Variants in RFC3 observed in about 807,000 individuals in gnomAD.
RFC3 encodes the protein replication factor C subunit 3, also known as A1 38 kDa subunit.
RFC3 carries 41 observed loss-of-function variants against 45.1 expected under a neutral mutation model. The observed-to-expected ratio is 0.91, with a 90% CI of 0.71 to 1.18. The LOEUF is 1.18. RFC3 is among the 50% of genes most tolerant of loss of function. The pLI is 0.00. For missense variants in RFC3, 423 were observed against 428.1 expected (o/e 0.99, Z 0.10); for synonymous variants, 149 against 144.0 (o/e 1.03, Z -0.25).
chr13:33,890,323 T>G (rs549588799), intron 8 of RFC3, among the ~76,000 whole-genome samples: 72 of 152,294 alleles, frequency 4.7e-4, no homozygotes, highest in Non-Finnish European at 9.3e-4. Context: ...TAAATTTGGT[T>G]CCATCCATGC....
At chr13:33,856,243 C>T (rs1397379202) in intron 8 of RFC3, among the ~76,000 whole-genome samples, 2 of 151,988 alleles carry the variant, frequency 1.3e-5, no homozygotes, top group Non-Finnish European at 2.9e-5. Context: ...GAACAGAAAA[C>T]CAAATACCAC....
rs186710778 is a variant in RFC3 at position 33,905,436 on chromosome 13, G to A, written c.880-60651G>A. On this transcript the variant is annotated intron_variant, in intron 8 of 8. Coordinates refer to the RFC3 transcript ENST00000434425. ...ACTTGTGTTCTCTTTTTTTTTTCTT[G>A]CATGCATGAGTGTCATAAGGCAAAA... 4.1e-5 allele frequency among the ~76,000 whole-genome samples: 6 copies of A among 147,946 alleles called. No individual in the cohort carries two copies. In the East Asian group the frequency reaches 1.2e-3, roughly 29 times the overall value.
intron 8 of RFC3, among the ~76,000 whole-genome samples, chr13:33,872,734 A>C (rs927558504): frequency 3.3e-5 from 5 of 151,612 alleles, no homozygotes; most frequent in African/African-American, 1.2e-4. Context: ...ACTACCTCTC[A>C]ATAACAAACA....
At chr13:33,920,173 C>A (rs1286661276) in intron 8 of RFC3, among the ~76,000 whole-genome samples, 1 of 152,104 alleles carries the variant, frequency 6.6e-6, no homozygotes, top group Non-Finnish European at 1.5e-5. Context: ...ATCCTTACAG[C>A]ATCCCCATGT....
chr13:33,915,450 T>C (rs1212557350), intron 8 of RFC3, among the ~76,000 whole-genome samples: 2 of 152,190 alleles, frequency 1.3e-5, no homozygotes, highest in Non-Finnish European at 2.9e-5. Context: ...ATGCTTTGCA[T>C]GCTATAATTA....
At chr13:33,888,907 G>A (rs532460322) in intron 8 of RFC3, among the ~76,000 whole-genome samples, 6 of 151,986 alleles carry the variant, frequency 3.9e-5, no homozygotes, top group Non-Finnish European at 7.4e-5. Context: ...CACCATGCCT[G>A]GCTAATTTTT....
At chr13:33,882,729 G>A (rs896635975) in intron 8 of RFC3, among the ~76,000 whole-genome samples, 5 of 152,160 alleles carry the variant, frequency 3.3e-5, no homozygotes, top group African/African-American at 1.2e-4. Flanking sequence ...GACAGCAACT[G>A]TTCCATCACC....
intron 8 of RFC3, among the ~76,000 whole-genome samples, chr13:33,872,210 A>G (rs2082414619): frequency 6.6e-6 from 1 of 152,170 alleles, no homozygotes; most frequent in African/African-American, 2.4e-5. Context: ...CTGAATTGGA[A>G]AGGGAGATGC....
intron 8 of RFC3, among the ~76,000 whole-genome samples, chr13:33,852,466 T>A (rs2082282554): frequency 6.6e-6 from 1 of 152,150 alleles, no homozygotes; most frequent in African/African-American, 2.4e-5. Context: ...TCCCACTGAA[T>A]CTGTTTTGTT....
chr13:33,962,103 A>T (rs1289885190), intron 8 of RFC3, among the ~76,000 whole-genome samples: 1 of 152,156 alleles, frequency 6.6e-6, no homozygotes, highest in African/African-American at 2.4e-5. Flanking sequence ...AGGCAGCAAG[A>T]GCTTGCAGAG....
intron 4 of RFC3, among the ~76,000 whole-genome samples, chr13:33,828,833 G>C (rs2082075699): frequency 6.6e-6 from 1 of 152,192 alleles, no homozygotes; most frequent in East Asian, 1.9e-4. Context: ...CACTGTGCCT[G>C]GCCAACTGCT....
intron 8 of RFC3, among the ~76,000 whole-genome samples, chr13:33,855,104 A>C (rs1308434264): frequency 6.6e-6 from 1 of 152,188 alleles, no homozygotes; most frequent in African/African-American, 2.4e-5. Flanking sequence ...GGCAAGAAAA[A>C]AAAGGTTAAA....
intron 4 of RFC3, among the ~76,000 whole-genome samples, chr13:33,827,187 G>T (rs1478249019): frequency 6.6e-6 from 1 of 152,164 alleles, no homozygotes; most frequent in Non-Finnish European, 1.5e-5. Flanking sequence ...GCTTTGGGAG[G>T]CTGAAGCAGG....
At chr13:33,930,977 T>A (rs1049891803) in intron 8 of RFC3, among the ~76,000 whole-genome samples, 1 of 152,100 alleles carries the variant, frequency 6.6e-6, no homozygotes, top group Non-Finnish European at 1.5e-5. Flanking sequence ...TCTCTCCCTT[T>A]TTCTTAGAGT....
chr13:33,825,705 T>C (rs1435481170), intron 3 of RFC3, 84 bp from the exon 4 acceptor site: 1 of 642,122 alleles, frequency 1.6e-6, no homozygotes, highest in East Asian at 3.3e-5. Context: ...TGATTAAAAT[T>C]TTGACCACTT....
intron 8 of RFC3, among the ~76,000 whole-genome samples, chr13:33,919,400 T>G (rs1262917347): frequency 1.3e-5 from 2 of 152,100 alleles, no homozygotes; most frequent in African/African-American, 4.8e-5. Flanking sequence ...GATTATTTCT[T>G]TGGCTGATAT....
chr13:33,842,348 C>A (rs944278557), downstream of RFC3, among the ~76,000 whole-genome samples: 1 of 152,082 alleles, frequency 6.6e-6, no homozygotes, highest in Admixed American at 6.6e-5. Context: ...GCATGCCATT[C>A]TGAGTAATGT....
chr13:33,830,869 G>C lies in RFC3; in HGVS notation c.710+14G>C. 6.2e-7 allele frequency: 1 copy of C among 1,605,610 alleles called. No individual in the cohort carries two copies. The highest frequency in any genetic ancestry group is 8.5e-7 in the Non-Finnish European group (1 of 1,177,152). On this transcript the variant is annotated intron_variant, in intron 6 of 8. Coordinates refer to ENST00000380071, the MANE Select transcript of RFC3 (RefSeq NM_002915.4). Reference sequence around the variant, plus strand: ...CAGAGTGCAACAGTGAGTGGAAGGGGTAGTTACATTCTAGGACTTTGGCCC... The same window carrying C: ...CAGAGTGCAACAGTGAGTGGAAGGGCTAGTTACATTCTAGGACTTTGGCCC...
chr13:33,830,826 G>A lies in RFC3; in HGVS notation c.681G>A (p.Leu227=), dbSNP rs1269659806. The change falls in exon 6 of 9, where the codon CTG becomes CTA. Residue 227 remains leucine (L), a synonymous_variant. Transcript: ENST00000380071. Reference sequence around the variant, plus strand: ...CTTGTAGAAATCTCAGAAAAGCCCTGCTTATGTGTGAAGCCTGCAGAGTGC... The same window carrying A: ...CTTGTAGAAATCTCAGAAAAGCCCTACTTATGTGTGAAGCCTGCAGAGTGC... ...EKSCRNLRKA[L]LMCEACRVQQ... is the part of the protein sequence containing the mutation. The A allele has an allele frequency of 1.9e-6, 3 of 1,613,770 alleles. No individual in the cohort carries two copies. The South Asian group carries it at 3.3e-5, about 18-fold the overall frequency.
Sources: gnomAD v4.1 joint callset for allele counts (sites outside exome capture counted in the v4.1 genomes callset) on GRCh38, gnomAD v4.1.1 for gene constraint, MANE v1.5 for transcripts, NCBI Gene and HGNC (gene_info 2026-07-23, HGNC 2026-07-21) for gene names.